Variants in TNS4 observed in about 807,000 individuals in gnomAD.
TNS4 encodes tensin 4.
In TNS4, 46 loss-of-function variants were observed where a neutral mutation model predicts 70.4. The observed-to-expected ratio is 0.65, with a 90% CI of 0.52 to 0.84. The LOEUF (loss-of-function observed/expected upper bound fraction) is 0.84, where lower values mean the gene tolerates loss of function less well. Ranked by LOEUF, TNS4 falls within the 40% of genes least tolerant of loss-of-function variation. TNS4 has a pLI of 0.00. For synonymous variants in TNS4, 390 were observed against 366.6 expected (o/e 1.06, Z -0.73); for missense variants, 863 against 907.0 (o/e 0.95, Z 0.62).
intron 12 of TNS4, chr17:40,477,983 T>C: frequency 1.7e-6 from 1 of 600,956 alleles, no homozygotes. Context: ...ACAGGACCTG[T>C]GCATTCCCCA....
intron 6 of TNS4, among the ~76,000 whole-genome samples, chr17:40,483,467 C>T (rs1597691082): frequency 6.6e-6 from 1 of 152,202 alleles, no homozygotes; most frequent in Non-Finnish European, 1.5e-5. Context: ...TCCCAAAGTG[C>T]TGGGATTACT....
chr17:40,482,520 G>C, intron 6 of TNS4, 104 bp from the exon 7 acceptor site: 9 of 1,027,408 alleles, frequency 8.8e-6, no homozygotes. Context: ...GAGGTGGGCA[G>C]ATCACTTGAG....
chr17:40,480,823 A>T, intron 8 of TNS4, 55 bp from the exon 9 acceptor site: 1 of 1,577,046 alleles, frequency 6.3e-7, no homozygotes, highest in Non-Finnish European at 8.6e-7. Flanking sequence ...GAGTGAATGG[A>T]CCCCTCTCAC....
chr17:40,498,991 T>G (rs1328326787), intron 1 of TNS4, among the ~76,000 whole-genome samples: 3 of 152,162 alleles, frequency 2.0e-5, no homozygotes. Context: ...TCTTAATTCC[T>G]TATGCTAAGG....
intron 1 of TNS4, among the ~76,000 whole-genome samples, chr17:40,496,820 T>G (rs1186450979): frequency 6.6e-6 from 1 of 152,260 alleles, no homozygotes; most frequent in African/African-American, 2.4e-5. Context: ...ATAACTTCAG[T>G]AGATGTTTAT....
chr17:40,485,076 A>T, intron 4 of TNS4, 69 bp from the exon 5 acceptor site: 1 of 1,374,136 alleles, frequency 7.3e-7, no homozygotes, highest in Non-Finnish European at 1.0e-6. Flanking sequence ...TTCACCAGAG[A>T]AGGCTGGAGA....
In TNS4 at chr17:40,484,475, G is replaced by A; in HGVS notation, c.1501+9C>T. 6.2e-7 allele frequency: 1 copy of A among 1,608,940 alleles called. No individual in the cohort carries two copies. The highest frequency in any genetic ancestry group is 8.5e-7 in the Non-Finnish European group (1 of 1,179,934). On this transcript the variant is annotated intron_variant, in intron 6 of 12. Coordinates refer to ENST00000254051, the MANE Select transcript of TNS4 (RefSeq NM_032865.6). The stretch of plus-strand genomic sequence containing the variant: ...GAGGCCTTGAGTGAGCACAGAGACA[G>A]ACGCATACCTGGTCGACTCTGAGCA...
intron 9 of TNS4, 78 bp from the exon 10 acceptor site, chr17:40,479,920 G>T: frequency 6.8e-7 from 1 of 1,472,762 alleles, no homozygotes; most frequent in Non-Finnish European, 9.0e-7. Flanking sequence ...AGGGGAGGGG[G>T]TGAGTCTCCT....
chr17:40,478,427 C>T, intron 11 of TNS4, 94 bp from the exon 12 acceptor site: 2 of 1,529,934 alleles, frequency 1.3e-6, no homozygotes, highest in Non-Finnish European at 8.9e-7. Context: ...GCGTCCCCAC[C>T]CCACCATGCC....
intron 8 of TNS4, 36 bp from the exon 9 acceptor site, chr17:40,480,804 G>A (rs1261743090): frequency 1.3e-6 from 2 of 1,596,742 alleles, no homozygotes; most frequent in African/African-American, 1.4e-5. Flanking sequence ...CCCCAAAGGG[G>A]CGGGGGTGGA....
Position 40,482,515 on chromosome 17 carries a change from G to C in TNS4, c.1502-99C>G. ...TCCCAGCACTTTGGGAGGCCGAGGT[G>C]GGCAGATCACTTGAGGTCAGGAGTT... On this transcript the variant is annotated intron_variant, in intron 6 of 12. Transcript: ENST00000254051. The C allele has an allele frequency of 7.2e-6, 8 of 1,118,502 alleles. No individual in the cohort carries two copies. In the South Asian group the frequency reaches 1.1e-4, roughly 15 times the overall value. The allele number at this position is 1,118,502 out of a possible 1,614,324, so 69.3% of individuals were successfully genotyped here. A position where few individuals can be genotyped will look rare whatever the true frequency, so the allele number is the denominator to read the frequency against.
At position 40,484,536 on chromosome 17, in the gene TNS4, G is replaced by C; in HGVS notation, c.1449C>G (p.Phe483Leu). Residue 483 changes from phenylalanine to leucine, a missense_variant, in exon 6 of 13, where the codon TTC (phenylalanine) becomes TTG (leucine). Physicochemically the swap from Phe to Leu is conservative, Grantham distance 22. Transcript: ENST00000254051. Reference protein sequence around the residue: ...IRDSSSYRGSFGLALKVQEVP... With the variant: ...IRDSSSYRGSLGLALKVQEVP... ...CCTCCTGCACCTTCAGGGCCAGGCC[G>C]AAGGAGCCTCGGTATGAAGAGCTGT... 2 of 1,612,704 alleles carry C rather than the reference G, an allele frequency of 1.2e-6. No homozygotes were observed. The highest frequency in any genetic ancestry group is 1.1e-5 in the South Asian group (1 of 91,070).
intron 2 of TNS4, among the ~76,000 whole-genome samples, chr17:40,493,154 G>A (rs1048247928): frequency 7.2e-5 from 11 of 152,174 alleles, no homozygotes; most frequent in African/African-American, 9.6e-5. Context: ...GCAACACAAC[G>A]AGACTCTGTC....
rs1435963939 is a variant in TNS4, at chr17:40,482,560, A to G, written c.1502-144T>C. 1.0e-4 allele frequency: 64 copies of G among 636,326 alleles called. No homozygotes were observed. In the East Asian group the frequency reaches 1.1e-3, roughly 11 times the overall value. The allele number at this position is 636,326 out of a possible 1,614,324, so 39.4% of individuals were successfully genotyped here. A position where few individuals can be genotyped will look rare whatever the true frequency, so the allele number is the denominator to read the frequency against. On this transcript the variant is annotated intron_variant, in intron 6 of 12. Coordinates refer to ENST00000254051, the MANE Select transcript of TNS4 (RefSeq NM_032865.6). The stretch of plus-strand genomic sequence containing the variant: ...GGAGTTCGAGATCAGCCTGACCCAC[A>G]TGGTAAAACCCTATCTCTACTAAAG...
chr17:40,491,740 G>T (rs77133467), intron 2 of TNS4, among the ~76,000 whole-genome samples: 9,481 of 152,208 alleles, frequency 0.062, 951 homozygotes, highest in African/African-American at 0.21. Flanking sequence ...TCTACCCATT[G>T]CAGGGGTGCA....
intron 4 of TNS4, 60 bp downstream of exon 4, chr17:40,486,976 A>G: frequency 6.3e-7 from 1 of 1,583,696 alleles, no homozygotes; most frequent in Non-Finnish European, 8.6e-7. Context: ...GCAGAAACCC[A>G]CTGGCACTTT....
intron 1 of TNS4, among the ~76,000 whole-genome samples, chr17:40,501,086 G>A (rs2036209104): frequency 6.6e-6 from 1 of 152,138 alleles, no homozygotes; most frequent in African/African-American, 2.4e-5. Flanking sequence ...GACCATCTCT[G>A]TCTCATCCAC....
At chr17:40,495,262 T>C (rs909917257) in intron 2 of TNS4, among the ~76,000 whole-genome samples, 15 of 152,224 alleles carry the variant, frequency 9.9e-5, no homozygotes, top group Middle Eastern at 6.3e-3. Context: ...CTCTCAGGGT[T>C]ATTTACATCT....
chr17:40,485,065 G>A (rs2143797236), intron 4 of TNS4, 58 bp from the exon 5 acceptor site: 1 of 1,481,030 alleles, frequency 6.8e-7, no homozygotes, highest in Non-Finnish European at 9.4e-7. Context: ...GCTGAGGGAT[G>A]TTCACCAGAG....
Sources: allele counts gnomAD v4.1 joint callset (sites outside exome capture counted in the v4.1 genomes callset), GRCh38; gene constraint gnomAD v4.1.1; transcripts MANE v1.5; gene names NCBI Gene and HGNC (gene_info 2026-07-23, HGNC 2026-07-21).